Variants in CCDC167 observed in about 807,000 individuals in gnomAD.
CCDC167 encodes the protein coiled-coil domain containing 167, also known as coiled-coil domain-containing protein 167.
CCDC167 carries 15 observed loss-of-function variants against 12.7 expected under a neutral mutation model. The ratio of observed to expected loss-of-function variants is 1.18; its 90% confidence interval spans 0.79 to 1.81. The LOEUF (loss-of-function observed/expected upper bound fraction) is 1.81, where lower values mean the gene tolerates loss of function less well. Among genes scored for constraint, CCDC167 ranks in the 40% most tolerant of loss-of-function variants. The pLI is 0.00. For missense variants in CCDC167, 121 were observed against 120.1 expected (o/e 1.01, Z -0.03); for synonymous variants, 52 against 49.0 (o/e 1.06, Z -0.26).
In CCDC167 at chr6:37,484,876, G is replaced by A; in HGVS notation, c.138-14C>T. ...TCCAGGGACCTCCTGTGAGGGGAAA[G>A]GAGCTTCATGGACCAAACCCTTTTC... On this transcript the variant is annotated splice_polypyrimidine_tract_variant and intron_variant, in intron 2 of 3. Coordinates refer to ENST00000373408, the MANE Select transcript of CCDC167 (RefSeq NM_138493.3). 6.2e-7 allele frequency: 1 copy of A among 1,614,208 alleles called. No homozygotes were observed. The highest frequency in any genetic ancestry group is 8.5e-7 in the Non-Finnish European group (1 of 1,180,018).
At chr6:37,499,057 G>T (rs2113912171) in intron 1 of CCDC167, among the ~76,000 whole-genome samples, 1 of 152,266 alleles carries the variant, frequency 6.6e-6, no homozygotes, top group South Asian at 2.1e-4. Context: ...GAAGCAAGAT[G>T]AATTTCCAGG....
At chr6:37,498,815 ACT>A (rs1003942111) in intron 1 of CCDC167, among the ~76,000 whole-genome samples, 1 of 107,136 alleles carries the variant, frequency 9.3e-6, no homozygotes, top group Non-Finnish European at 2.0e-5. Flanking sequence ...ACAGAGCGAG[ACT>A]CTGTCTTAAA....
At chr6:37,485,786 TGA>T (rs1198792619) in intron 1 of CCDC167, among the ~76,000 whole-genome samples, 2 of 152,252 alleles carry the variant, frequency 1.3e-5, no homozygotes, top group East Asian at 3.8e-4. Context: ...CAAAAATTAC[TGA>T]GAAAAATGCT....
intron 1 of CCDC167, among the ~76,000 whole-genome samples, chr6:37,489,253 C>CAACAA (rs1554123785): frequency 1.3e-5 from 2 of 149,228 alleles, no homozygotes; most frequent in African/African-American, 5.0e-5. Context: ...AACAAACAAA[C>CAACAA]AAAAAAAAAC....
At chr6:37,499,016 G>A (rs1424864201) in intron 1 of CCDC167, among the ~76,000 whole-genome samples, 5 of 152,032 alleles carry the variant, frequency 3.3e-5, no homozygotes, top group Admixed American at 6.5e-5. Context: ...TGCAACCTCC[G>A]GGAGGATGCC....
At chr6:37,491,801 G>A (rs1214618910) in intron 1 of CCDC167, among the ~76,000 whole-genome samples, 4 of 152,192 alleles carry the variant, frequency 2.6e-5, no homozygotes, top group East Asian at 1.9e-4. Flanking sequence ...CATAATGCTC[G>A]CAAGAACCCT....
At chr6:37,484,726 C>T in intron 3 of CCDC167, 84 bp downstream of exon 3, 1 of 1,520,892 alleles carries the variant, frequency 6.6e-7, no homozygotes, top group Non-Finnish European at 9.1e-7. Context: ...CTCCCTGCTG[C>T]CTTGTCAGGC....
Sources: gnomAD v4.1 joint callset for allele counts (sites outside exome capture counted in the v4.1 genomes callset) on GRCh38, gnomAD v4.1.1 for gene constraint, MANE v1.5 for transcripts, NCBI Gene and HGNC (gene_info 2026-07-23, HGNC 2026-07-21) for gene names.